Variants in TTC39A observed in about 807,000 individuals in gnomAD.
The protein encoded by TTC39A is tetratricopeptide repeat protein 39A.
TTC39A carries 46 observed loss-of-function variants against 82.3 expected under a neutral mutation model. The observed-to-expected ratio is 0.56, with a 90% CI of 0.44 to 0.71. The LOEUF (loss-of-function observed/expected upper bound fraction) is 0.71, where lower values mean the gene tolerates loss of function less well. Among genes scored for constraint, TTC39A ranks in the 30% least tolerant of loss-of-function variants. The pLI, the probability that TTC39A is intolerant of heterozygous loss-of-function variation, is 0.00. For synonymous variants in TTC39A, 254 were observed against 275.2 expected, an observed-to-expected ratio of 0.92 and a Z score of 0.76; for missense variants, 543 against 712.9, an observed-to-expected ratio of 0.76 and a Z score of 2.71.
chr1:51,330,989 G>T, upstream of TTC39A: 2 of 667,946 alleles, frequency 3.0e-6, no homozygotes, highest in South Asian at 1.7e-5. This position sits in a 1 kb window ranked among gnomAD's most constrained non-coding sequence, Gnocchi z 4.5. Flanking sequence ...CCACCATCTC[G>T]CCCACTGAGT....
At chr1:51,291,236 A>T (rs56274345) in intron 14 of TTC39A, among the ~76,000 whole-genome samples, 2,658 of 152,208 alleles carry the variant, frequency 0.017, 44 homozygotes, top group Non-Finnish European at 0.029. Context: ...CACGCCTGTA[A>T]TCCCAGCACT....
intron 5 of TTC39A, among the ~76,000 whole-genome samples, chr1:51,309,624 G>A (rs1036183441): frequency 2.0e-5 from 3 of 152,262 alleles, no homozygotes; most frequent in East Asian, 3.9e-4. Context: ...AAAGGAGGGG[G>A]GATGCTTGTT....
upstream of TTC39A, among the ~76,000 whole-genome samples, chr1:51,335,850 G>A (rs915560312): frequency 2.0e-5 from 3 of 152,152 alleles, no homozygotes; most frequent in African/African-American, 4.8e-5. Flanking sequence ...AAGCTGTGAA[G>A]TCAGTTCTGC....
upstream of TTC39A, among the ~76,000 whole-genome samples, chr1:51,332,114 C>T (rs1175523185): frequency 6.6e-6 from 1 of 152,222 alleles, no homozygotes; most frequent in Non-Finnish European, 1.5e-5. Flanking sequence ...GTTAGTCATT[C>T]ATGTAACCGG....
chr1:51,316,265 G>C (rs144096825), intron 2 of TTC39A, among the ~76,000 whole-genome samples: 1 of 152,128 alleles, frequency 6.6e-6, no homozygotes, highest in African/African-American at 2.4e-5. Flanking sequence ...GAGTCATAGC[G>C]TGACCTTGTC....
chr1:51,332,550 G>A (rs377220130), upstream of TTC39A, among the ~76,000 whole-genome samples: 13 of 152,206 alleles, frequency 8.5e-5, no homozygotes, highest in East Asian at 5.8e-4. Flanking sequence ...AAGCCACCGC[G>A]CCCGGCCTGA....
chr1:51,322,030 C>G, intron 1 of TTC39A: 1 of 1,496,838 alleles, frequency 6.7e-7, no homozygotes, highest in Non-Finnish European at 9.0e-7. Flanking sequence ...GGAGGGGGAG[C>G]AGAAGGGAAT....
chr1:51,306,019 G>C lies in TTC39A; in HGVS notation c.546C>G (p.His182Gln), dbSNP rs1644855218. 6.2e-7 allele frequency: 1 copy of C among 1,613,914 alleles called. No homozygotes were observed. Among genetic ancestry groups the C allele is most frequent in the Admixed American group, 1.7e-5 (1 of 60,000 alleles). Reference sequence around the variant, plus strand: ...CACCAAGCTTCACTCCTCCTTCAAAGTGCGGGTGGTTCTCACCCTTGCAGT... The same window carrying C: ...CACCAAGCTTCACTCCTCCTTCAAACTGCGGGTGGTTCTCACCCTTGCAGT... ...SQYCKGENHP[H>Q]FEGGVKLGVG... The change falls in exon 7 of 18, where the codon CAC becomes CAG. Residue 182 changes from histidine (H) to glutamine (Q), a missense_variant. Coordinates refer to ENST00000680483, the MANE Select transcript of TTC39A (RefSeq NM_001297663.2).
chr1:51,342,049 C>G (rs1253362219), intron 1 of TTC39A, among the ~76,000 whole-genome samples: 1 of 152,232 alleles, frequency 6.6e-6, no homozygotes, highest in Non-Finnish European at 1.5e-5. Context: ...CTCAATTACT[C>G]TCTCTAAAGC....
chr1:51,330,129 G>A lies in TTC39A; in HGVS notation c.41+308C>T. ...TGAGAGTAACAGGGCCCACCCCACA[G>A]GAGTGAACGCCACGAGGCAGGTGGG... On this transcript the variant is annotated intron_variant, in intron 1 of 17. Transcript: ENST00000680483. The surrounding 1 kb of genome is among the most constrained non-coding windows in gnomAD (Gnocchi z 4.5). 1.0e-6 allele frequency: 1 copy of A among 985,460 alleles called. No individual in the cohort carries two copies. Among genetic ancestry groups the A allele is most frequent in the Non-Finnish European group, 1.2e-6 (1 of 829,926 alleles). 61.0% of individuals were successfully genotyped at this position (985,460 alleles called of 1,614,324 possible).
chr1:51,336,968 A>G (rs1301301661), intron 1 of TTC39A, among the ~76,000 whole-genome samples: 1 of 151,418 alleles, frequency 6.6e-6, no homozygotes, highest in East Asian at 1.9e-4. Flanking sequence ...GACCAGCTTC[A>G]GCAACATAGT....
chr1:51,300,067 G>A (rs1644593455), intron 12 of TTC39A: 1 of 152,262 alleles, frequency 6.6e-6, no homozygotes, highest in South Asian at 2.1e-4. Flanking sequence ...GACTCCTCAG[G>A]AGGACTCTAG....
At chr1:51,332,294 C>T (rs905475109), upstream of TTC39A, among the ~76,000 whole-genome samples, 1 of 152,134 alleles carries the variant, frequency 6.6e-6, no homozygotes, top group African/African-American at 2.4e-5. Flanking sequence ...ACTCTGTTAC[C>T]CAGGCTGGAG....
chr1:51,330,934 C>A, upstream of TTC39A: 1 of 622,242 alleles, frequency 1.6e-6, no homozygotes, highest in Non-Finnish European at 2.9e-6. The surrounding 1 kb of genome is among the most constrained non-coding windows in gnomAD (Gnocchi z 4.5). Context: ...TGGGGGCATT[C>A]GTGCAGACAA....
intron 2 of TTC39A, among the ~76,000 whole-genome samples, chr1:51,320,686 C>G (rs1645478555): frequency 6.6e-6 from 1 of 151,282 alleles, no homozygotes; most frequent in South Asian, 2.1e-4. Context: ...CTCCTGGGCT[C>G]AAGCGATCTA....
chr1:51,335,608 G>T (rs977188058), upstream of TTC39A, among the ~76,000 whole-genome samples: 2 of 150,228 alleles, frequency 1.3e-5, no homozygotes, highest in Non-Finnish European at 3.0e-5. Flanking sequence ...CCTATTAAGT[G>T]AGCCCTTAGA....
At chr1:51,305,191 G>T in intron 7 of TTC39A, 45 bp from the exon 8 acceptor site, 2 of 1,592,956 alleles carry the variant, frequency 1.3e-6, no homozygotes, top group South Asian at 2.2e-5. Flanking sequence ...ACCCAGAGTG[G>T]GCAGGGGCCA....
Position 51,311,297 on chromosome 1 carries a change from T to C in TTC39A, c.380A>G (p.Tyr127Cys), listed in dbSNP as rs1645073459. 6.3e-7 allele frequency: 1 copy of C among 1,585,792 alleles called. No homozygotes were observed. The highest frequency in any genetic ancestry group is 8.6e-7 in the Non-Finnish European group (1 of 1,166,266). ...TEEEIHAEVC[Y>C]AECLLQRAAL... ...TGCTCGCTGCAGCAGGCACTCTGCATAGCAGACCTCAGCGTGGATTTCCTC... is the reference window on the plus strand; with the variant it reads ...TGCTCGCTGCAGCAGGCACTCTGCACAGCAGACCTCAGCGTGGATTTCCTC... Residue 127 changes from tyrosine (Y) to cysteine (C), a missense_variant, in exon 5 of 18, where the codon TAT becomes TGT. Tyr to Cys is a radical substitution (Grantham distance 194). Transcript: ENST00000680483.
chr1:51,344,960 C>T, intron 1 of TTC39A: 2 of 1,526,404 alleles, frequency 1.3e-6, no homozygotes, highest in Non-Finnish European at 1.8e-6. Flanking sequence ...CCGTCCGCGC[C>T]TTCCGCCGAG....
Sources: allele counts gnomAD v4.1 joint callset (sites outside exome capture counted in the v4.1 genomes callset), GRCh38; gene constraint gnomAD v4.1.1; non-coding constraint Gnocchi (gnomAD v3.1); transcripts MANE v1.5; gene names NCBI Gene and HGNC (gene_info 2026-07-23, HGNC 2026-07-21).